Variants in HHIP observed in about 807,000 individuals in gnomAD.
HHIP encodes hedgehog interacting protein.
In HHIP, 12 loss-of-function variants were observed where a neutral mutation model predicts 74.0. The observed-to-expected ratio is 0.16, with a 90% confidence interval of 0.10 to 0.26. HHIP has a LOEUF of 0.26. HHIP is among the 10% of genes least tolerant of loss of function. HHIP has a pLI of 1.00. For synonymous variants in HHIP, 309 were observed against 311.6 expected (o/e 0.99, Z 0.09); for missense variants, 788 against 845.0 (o/e 0.93, Z 0.84).
intron 4 of HHIP, among the ~76,000 whole-genome samples, chr4:144,687,666 G>A (rs1729526807): frequency 6.7e-6 from 1 of 149,828 alleles, no homozygotes; most frequent in African/African-American, 2.5e-5. Context: ...ACAATCAGTT[G>A]CATCACTCCT....
chr4:144,719,847 A>C (rs532120672), intron 11 of HHIP, among the ~76,000 whole-genome samples: 3 of 152,224 alleles, frequency 2.0e-5, no homozygotes, highest in African/African-American at 4.8e-5. Context: ...TCAAATTACA[A>C]TTCAAGTCTT....
In HHIP at chr4:144,711,923, T is replaced by G. The variant is rs1219461570; in HGVS notation, c.1302-27T>G. On this transcript the variant is annotated intron_variant, in intron 7 of 12. Coordinates refer to ENST00000296575, the MANE Select transcript of HHIP (RefSeq NM_022475.3). ...GCTTGGAAAAGATCACGGTAGGAAT[T>G]AATGTGTATCCCCTCTTGTTATGCA... 1.9e-6 allele frequency: 3 copies of G among 1,605,976 alleles called. No individual in the cohort carries two copies. The African/African-American group carries it at 4.0e-5, about 21-fold the overall frequency.
At chr4:144,718,315 A>G (rs1730520381) in intron 10 of HHIP, among the ~76,000 whole-genome samples, 1 of 152,202 alleles carries the variant, frequency 6.6e-6, no homozygotes, top group African/African-American at 2.4e-5. Context: ...GGCCTGGAAC[A>G]GCAAGAACTT....
intron 4 of HHIP, among the ~76,000 whole-genome samples, chr4:144,705,908 C>G (rs1730119804): frequency 1.3e-5 from 2 of 152,172 alleles, no homozygotes; most frequent in Non-Finnish European, 2.9e-5. Context: ...TAAAGAAAAA[C>G]CCTATGCAGC....
At chr4:144,661,731 G>C (rs1728719287) in intron 4 of HHIP, among the ~76,000 whole-genome samples, 1 of 152,096 alleles carries the variant, frequency 6.6e-6, no homozygotes, top group South Asian at 2.1e-4. Context: ...TAATGTAAAA[G>C]CATTTTCACA....
At chr4:144,663,439 C>T (rs1277170579) in intron 4 of HHIP, among the ~76,000 whole-genome samples, 1 of 152,196 alleles carries the variant, frequency 6.6e-6, no homozygotes, top group Non-Finnish European at 1.5e-5. Context: ...AGCCAAACTT[C>T]TGGATCACTT....
Position 144,646,429 on chromosome 4 carries a change from A to C in HHIP, c.-247A>C. 1 of 434,550 alleles carries C rather than the reference A, an allele frequency of 2.3e-6. No individual in the cohort carries two copies. The highest frequency in any genetic ancestry group is 4.1e-6 in the Non-Finnish European group (1 of 244,894). 26.9% of individuals were successfully genotyped at this position (434,550 alleles called of 1,614,324 possible). Reference sequence around the variant, plus strand: ...CCAACTGACACTGGCACAACTGCAAACGGTGTCATCCGCACAACTTTATCT... The same window carrying C: ...CCAACTGACACTGGCACAACTGCAACCGGTGTCATCCGCACAACTTTATCT... On this transcript the variant is annotated 5_prime_UTR_variant, in exon 1 of 13. Transcript: ENST00000296575.
chr4:144,734,694 T>A lies in HHIP; in HGVS notation c.1761-47T>A, dbSNP rs756886874. The A allele has an allele frequency of 7.8e-6, 11 of 1,418,346 alleles. No individual in the cohort carries two copies. The East Asian group carries it at 2.5e-4, about 32-fold the overall frequency. 87.9% of individuals were successfully genotyped at this position (1,418,346 alleles called of 1,614,324 possible). A position where few individuals can be genotyped will look rare whatever the true frequency, so the allele number is the denominator to read the frequency against. On this transcript the variant is annotated intron_variant, in intron 11 of 12. Coordinates refer to ENST00000296575, the MANE Select transcript of HHIP (RefSeq NM_022475.3). ...AGAATCACTAGATTTCATTCCACTGTTGATTTTCAAATGGAATACACTTTC... is the reference window on the plus strand; with the variant it reads ...AGAATCACTAGATTTCATTCCACTGATGATTTTCAAATGGAATACACTTTC...
intron 4 of HHIP, among the ~76,000 whole-genome samples, chr4:144,664,376 AG>A (rs1728799732): frequency 6.6e-6 from 1 of 152,252 alleles, no homozygotes; most frequent in African/African-American, 2.4e-5. Context: ...CTGGTTTCAC[AG>A]GCTTGTAAAT....
chr4:144,697,220 C>T (rs971008026), intron 4 of HHIP, among the ~76,000 whole-genome samples: 5 of 151,932 alleles, frequency 3.3e-5, no homozygotes, highest in Non-Finnish European at 7.4e-5. Context: ...AGAATAAAAG[C>T]TTTGCTTTCT....
chr4:144,723,831 G>T (rs1730714602), intron 11 of HHIP, among the ~76,000 whole-genome samples: 1 of 152,148 alleles, frequency 6.6e-6, no homozygotes, highest in African/African-American at 2.4e-5. Context: ...CCCTATAAAA[G>T]TCCATTCAGC....
intron 4 of HHIP, among the ~76,000 whole-genome samples, chr4:144,683,173 G>A (rs1210005280): frequency 3.3e-5 from 5 of 152,132 alleles, no homozygotes; most frequent in Non-Finnish European, 7.4e-5. Flanking sequence ...TTGTTGATAT[G>A]TAATTAATAA....
chr4:144,669,472 T>C (rs1266291958), intron 4 of HHIP, among the ~76,000 whole-genome samples: 1 of 152,204 alleles, frequency 6.6e-6, no homozygotes, highest in Non-Finnish European at 1.5e-5. Context: ...GTACATGTCA[T>C]ATACACCTTA....
intron 8 of HHIP, among the ~76,000 whole-genome samples, chr4:144,712,591 A>C (rs1465238923): frequency 6.6e-6 from 1 of 152,236 alleles, no homozygotes; most frequent in Non-Finnish European, 1.5e-5. Flanking sequence ...TGGGACATTT[A>C]AGCAGTATTT....
chr4:144,695,772 T>A (rs1729799020), intron 4 of HHIP, among the ~76,000 whole-genome samples: 1 of 151,902 alleles, frequency 6.6e-6, no homozygotes, highest in South Asian at 2.1e-4. Flanking sequence ...AAATCATTCA[T>A]TAATAAACCA....
intron 4 of HHIP, among the ~76,000 whole-genome samples, chr4:144,670,935 G>A (rs775085030): frequency 2.6e-5 from 4 of 152,028 alleles, no homozygotes; most frequent in Admixed American, 6.6e-5. Context: ...ATATGTTCAG[G>A]AAAAGTGAAA....
chr4:144,681,877 G>A lies in HHIP; in HGVS notation c.831+22039G>A, dbSNP rs532375687. ...ATCAAAGAAGATAGCTGTGGGCCACGTGCTTTAGTTATAAAATTATAAAAC... is the reference window on the plus strand; with the variant it reads ...ATCAAAGAAGATAGCTGTGGGCCACATGCTTTAGTTATAAAATTATAAAAC... On this transcript the variant is annotated intron_variant, in intron 4 of 12. Transcript: ENST00000296575. Among the ~76,000 whole-genome samples the A allele has an allele frequency of 8.5e-5, 13 of 152,288 alleles. No individual in the cohort carries two copies. In the South Asian group the frequency reaches 2.7e-3, roughly 32 times the overall value.
At chr4:144,662,729 G>C (rs1375367693) in intron 4 of HHIP, among the ~76,000 whole-genome samples, 2 of 152,134 alleles carry the variant, frequency 1.3e-5, no homozygotes, top group Non-Finnish European at 2.9e-5. Context: ...ATGCAGCGTT[G>C]TTATTGTTCT....
intron 11 of HHIP, among the ~76,000 whole-genome samples, chr4:144,727,337 C>T (rs1363700354): frequency 1.3e-5 from 2 of 152,178 alleles, no homozygotes; most frequent in African/African-American, 4.8e-5. Context: ...AATCTCACTT[C>T]TTCCCAAAGA....
Sources: gnomAD v4.1 joint callset for allele counts (sites outside exome capture counted in the v4.1 genomes callset) on GRCh38, gnomAD v4.1.1 for gene constraint, MANE v1.5 for transcripts, NCBI Gene and HGNC (gene_info 2026-07-23, HGNC 2026-07-21) for gene names.